Variants in SEPSECS observed in about 807,000 individuals in gnomAD.
SEPSECS encodes Sep (O-phosphoserine) tRNA:Sec (selenocysteine) tRNA synthase.
A neutral mutation model predicts 52.1 loss-of-function variants in SEPSECS; 42 were observed. The ratio of observed to expected loss-of-function variants is 0.81; its 90% CI spans 0.63 to 1.04. The LOEUF (loss-of-function observed/expected upper bound fraction) is 1.04. SEPSECS is among the 50% of genes least tolerant of loss of function. The pLI is 0.00. For synonymous variants in SEPSECS, 216 were observed against 211.4 expected, an observed-to-expected ratio of 1.02 and a Z score of -0.19; for missense variants, 590 against 610.6, an observed-to-expected ratio of 0.97 and a Z score of 0.36.
At chr4:25,150,248 C>T (rs996355044) in intron 6 of SEPSECS, among the ~76,000 whole-genome samples, 2 of 152,178 alleles carry the variant, frequency 1.3e-5, no homozygotes, top group Non-Finnish European at 2.9e-5. Context: ...GCCCACATAA[C>T]ACAAATCACA....
In SEPSECS at chr4:25,155,063, A is replaced by C; in HGVS notation, c.636T>G (p.Leu212=). The change falls in exon 5 of 11, where the codon CTT becomes CTG. Residue 212 remains leucine, a synonymous_variant. Coordinates refer to ENST00000382103, the MANE Select transcript of SEPSECS (RefSeq NM_016955.4). ...GAATACACAGAATGCAATCAGGCCC[A>C]AGTTCCTGGACTTTAGCCTCCACTG... ...LKAVEAKVQE[L]GPDCILCIHS... 2 of 1,614,182 alleles carry C rather than the reference A, an allele frequency of 1.2e-6. No homozygotes were observed. Among genetic ancestry groups the C allele is most frequent in the Non-Finnish European group, 1.7e-6 (2 of 1,180,008 alleles).
chr4:25,123,342 T>A lies in SEPSECS; in HGVS notation c.*589A>T, dbSNP rs558992664. 4.6e-4 allele frequency: 74 copies of A among 159,422 alleles called. 1 individual carries two copies. The highest frequency in any genetic ancestry group is 1.7e-3 in the African/African-American group (69 of 41,602). The allele number at this position is 159,422 out of a possible 1,614,324, so 9.9% of individuals were successfully genotyped here. Reference sequence around the variant, plus strand: ...AGCACCCTGGCCTCTATCCTCTAGATGTTAACAGCATCCCACCAGTTGTGA... The same window carrying A: ...AGCACCCTGGCCTCTATCCTCTAGAAGTTAACAGCATCCCACCAGTTGTGA... On this transcript the variant is annotated 3_prime_UTR_variant, in exon 11 of 11. Transcript: ENST00000382103.
chr4:25,149,099 C>T (rs532979699), intron 6 of SEPSECS, among the ~76,000 whole-genome samples: 2 of 151,926 alleles, frequency 1.3e-5, no homozygotes, highest in African/African-American at 2.4e-5. Context: ...CGCTCTGTCA[C>T]CCAGGCTGAG....
At position 25,124,052 on chromosome 4, in the gene SEPSECS, C is replaced by G. The variant is rs1278481233; in HGVS notation, c.1385G>C (p.Arg462Thr). The change falls in exon 11 of 11, where the codon AGA becomes ACA. Residue 462 changes from arginine (R) to threonine (T), a missense_variant. Transcript: ENST00000382103. Reference protein sequence around the residue: ...KRLDRCLKAVRKERSKESDDN... With the variant: ...KRLDRCLKAVTKERSKESDDN... Reference sequence around the variant, plus strand: ...ATCACTCTCTTTACTTCGTTCTTTTCTTACTGCCTTTAAACACCTGTCAAG... The same window carrying G: ...ATCACTCTCTTTACTTCGTTCTTTTGTTACTGCCTTTAAACACCTGTCAAG... The G allele has an allele frequency of 1.2e-5, 19 of 1,613,712 alleles. No homozygotes were observed. The highest frequency in any genetic ancestry group is 1.6e-5 in the Non-Finnish European group (19 of 1,179,788).
At chr4:25,159,970 C>T (rs1712961084) in intron 1 of SEPSECS, 1 of 985,328 alleles carries the variant, frequency 1.0e-6, no homozygotes, top group Non-Finnish European at 1.2e-6. Context: ...TAAAAAAGTA[C>T]ACTGGGACTT....
chr4:25,154,883 G>T, intron 5 of SEPSECS, 115 bp downstream of exon 5: 2 of 1,104,754 alleles, frequency 1.8e-6, no homozygotes, highest in Non-Finnish European at 2.7e-6. Flanking sequence ...TATTCTCTTA[G>T]AACAGACCAT....
At chr4:25,152,140 A>G (rs1712344296) in intron 5 of SEPSECS, 78 bp from the exon 6 acceptor site, 1 of 874,142 alleles carries the variant, frequency 1.1e-6, no homozygotes, top group East Asian at 2.5e-5. Flanking sequence ...TTTTTTAAAA[A>G]TTTAATAGTT....
chr4:25,127,381 T>C (rs1443046487), intron 8 of SEPSECS, 24 bp from the exon 9 acceptor site: 5 of 1,537,400 alleles, frequency 3.3e-6, no homozygotes, highest in Non-Finnish European at 4.5e-6. Flanking sequence ...ATGTCACATT[T>C]AAAACAAATC....
chr4:25,124,340 A>C (rs1577598344), intron 10 of SEPSECS, 115 bp from the exon 11 acceptor site: 89 of 934,920 alleles, frequency 9.5e-5, no homozygotes, highest in African/African-American at 1.7e-5. Flanking sequence ...GAAGTTTAAA[A>C]CAGCCACAAA....
chr4:25,153,619 A>G (rs1339439395), intron 5 of SEPSECS, among the ~76,000 whole-genome samples: 1 of 152,026 alleles, frequency 6.6e-6, no homozygotes, highest in Non-Finnish European at 1.5e-5. Context: ...TGATTAATTA[A>G]CTAATAAAAA....
chr4:25,152,658 C>T (rs546996269), intron 5 of SEPSECS, among the ~76,000 whole-genome samples: 2 of 152,096 alleles, frequency 1.3e-5, no homozygotes, highest in East Asian at 1.9e-4. Context: ...CCCTTATCTA[C>T]TCTTACTTTT....
intron 6 of SEPSECS, 22 bp downstream of exon 6, chr4:25,151,938 A>G (rs759629100): frequency 3.3e-5 from 41 of 1,244,666 alleles, no homozygotes; most frequent in Non-Finnish European, 4.2e-5. Flanking sequence ...CTTGACATAC[A>G]TATCATTTTA....
In SEPSECS at chr4:25,124,234, A is replaced by C. The variant is rs770614878; in HGVS notation, c.1212-9T>G. ...ACCCAAGAGGCACAACCCTGAAAGAAGAAAGATTTACCAATTTAATATGTC... is the reference window on the plus strand; with the variant it reads ...ACCCAAGAGGCACAACCCTGAAAGACGAAAGATTTACCAATTTAATATGTC... On this transcript the variant is annotated splice_polypyrimidine_tract_variant and intron_variant, in intron 10 of 10. Transcript: ENST00000382103. The C allele has an allele frequency of 6.2e-7, 1 of 1,612,316 alleles. No homozygotes were observed. The highest frequency in any genetic ancestry group is 1.7e-5 in the Admixed American group (1 of 59,854).
rs1224868835 is a variant in SEPSECS, at chr4:25,123,392, GT to G, written c.*538del. ...ACAACCAAAAATGTCTGCAGATGCT[GT>G]TCAGATAAGCGAATCATCCCCAGTT... is the stretch of plus-strand genomic sequence containing the variant. On this transcript the variant is annotated 3_prime_UTR_variant, in exon 11 of 11. Transcript: ENST00000382103. 6 of 165,182 alleles carry G rather than the reference GT, an allele frequency of 3.6e-5. No individual in the cohort carries two copies. Among genetic ancestry groups the G allele is most frequent in the Non-Finnish European group, 8.0e-5 (6 of 75,210 alleles). The allele number at this position is 165,182 out of a possible 1,614,324, so 10.2% of individuals were successfully genotyped here. A position where few individuals can be genotyped will look rare whatever the true frequency, so the allele number is the denominator to read the frequency against.
At chr4:25,134,913 A>G (rs1204634354) in intron 8 of SEPSECS, among the ~76,000 whole-genome samples, 1 of 152,142 alleles carries the variant, frequency 6.6e-6, no homozygotes, top group East Asian at 1.9e-4. Flanking sequence ...TAAGAAACTC[A>G]CTCAAAACCA....
At chr4:25,145,712 A>G (rs1341652629) in intron 6 of SEPSECS, among the ~76,000 whole-genome samples, 1 of 152,178 alleles carries the variant, frequency 6.6e-6, no homozygotes, top group Non-Finnish European at 1.5e-5. Flanking sequence ...ATCCTCTGTG[A>G]GTTCGAGGGT....
chr4:25,159,385 A>T, intron 1 of SEPSECS: 1 of 429,462 alleles, frequency 2.3e-6, no homozygotes, highest in South Asian at 2.6e-5. Context: ...CTGAAAACCA[A>T]TACAACACAT....
At chr4:25,143,661 G>T (rs1316873654) in intron 8 of SEPSECS, among the ~76,000 whole-genome samples, 3 of 152,076 alleles carry the variant, frequency 2.0e-5, no homozygotes, top group Admixed American at 2.0e-4. Context: ...CTATCCCATG[G>T]AATGAATTAG....
chr4:25,141,931 G>A (rs946332591), intron 8 of SEPSECS, among the ~76,000 whole-genome samples: 26 of 152,198 alleles, frequency 1.7e-4, no homozygotes, highest in African/African-American at 4.6e-4. Flanking sequence ...TGCCTGAAAC[G>A]CACTTCACCA....
Sources: gnomAD v4.1 joint callset for allele counts (sites outside exome capture counted in the v4.1 genomes callset) on GRCh38, gnomAD v4.1.1 for gene constraint, MANE v1.5 for transcripts, NCBI Gene and HGNC (gene_info 2026-07-23, HGNC 2026-07-21) for gene names.